Variants in SLCO1C1 observed in about 807,000 individuals in gnomAD.
SLCO1C1 encodes solute carrier organic anion transporter family member 1C1.
Under a neutral mutation model 76.4 loss-of-function variants are expected in SLCO1C1, and 70 were observed. That is an observed-to-expected ratio of 0.92 (90% CI 0.76 to 1.12). The LOEUF (loss-of-function observed/expected upper bound fraction) is 1.12, where lower values mean the gene tolerates loss of function less well. SLCO1C1 is among the 50% of genes most tolerant of loss of function. The pLI is 0.00. For missense variants in SLCO1C1, 912 were observed against 823.8 expected, an observed-to-expected ratio of 1.11 and a Z score of -1.31; for synonymous variants, 306 against 286.1, an observed-to-expected ratio of 1.07 and a Z score of -0.70.
intron 7 of SLCO1C1, among the ~76,000 whole-genome samples, chr12:20,717,537 A>G (rs1947422453): frequency 6.8e-6 from 1 of 147,568 alleles, no homozygotes; most frequent in African/African-American, 2.5e-5. Flanking sequence ...GTTGGCTCTT[A>G]TTGGCTTCAG....
At chr12:20,722,087 T>C (rs1377282947) in intron 8 of SLCO1C1, 38 bp downstream of exon 8, 5 of 1,593,102 alleles carry the variant, frequency 3.1e-6, no homozygotes, top group South Asian at 1.1e-5. Context: ...TTTTCATTTT[T>C]CTGTTGGGGC....
chr12:20,705,405 T>C (rs1946724737), intron 3 of SLCO1C1, among the ~76,000 whole-genome samples: 1 of 152,000 alleles, frequency 6.6e-6, no homozygotes, highest in African/African-American at 2.4e-5. Flanking sequence ...GTCTTAATCT[T>C]TTTGTACAAA....
At chr12:20,746,098 T>A (rs990766236) in intron 13 of SLCO1C1, among the ~76,000 whole-genome samples, 1 of 152,036 alleles carries the variant, frequency 6.6e-6, no homozygotes. Context: ...TTATGGGACT[T>A]TTTTTATACT....
chr12:20,729,540 A>G (rs1024507814), intron 9 of SLCO1C1, among the ~76,000 whole-genome samples: 3 of 151,952 alleles, frequency 2.0e-5, no homozygotes, highest in Non-Finnish European at 4.4e-5. Flanking sequence ...GGGCCCCTGC[A>G]CAAGGAACTC....
intron 5 of SLCO1C1, among the ~76,000 whole-genome samples, chr12:20,714,017 T>G (rs1362517427): frequency 1.3e-5 from 2 of 152,170 alleles, no homozygotes; most frequent in Admixed American, 6.5e-5. Flanking sequence ...GGAAGCAGAA[T>G]AGAAATCCAG....
At chr12:20,737,300 C>A (rs769187736) in intron 11 of SLCO1C1, 28 bp downstream of exon 11, 3 of 1,540,156 alleles carry the variant, frequency 1.9e-6, no homozygotes, top group Non-Finnish European at 2.6e-6. Flanking sequence ...AAGTATATGG[C>A]GATGGTCCTG....
At chr12:20,748,768 G>C (rs929981091) in intron 13 of SLCO1C1, among the ~76,000 whole-genome samples, 2 of 151,880 alleles carry the variant, frequency 1.3e-5, no homozygotes, top group Non-Finnish European at 2.9e-5. Context: ...GTGTTTGTTT[G>C]CTTGTGAGTA....
chr12:20,742,294 T>C (rs1453481122), intron 12 of SLCO1C1, among the ~76,000 whole-genome samples: 3 of 151,566 alleles, frequency 2.0e-5, no homozygotes, highest in Non-Finnish European at 4.4e-5. Context: ...TGAATTTTGA[T>C]GTCAGAAGGA....
chr12:20,725,173 A>T (rs1387658564), intron 9 of SLCO1C1, among the ~76,000 whole-genome samples: 1 of 136,740 alleles, frequency 7.3e-6, no homozygotes, highest in Non-Finnish European at 1.5e-5. Context: ...ATTATTATTT[A>T]TATTATAAAT....
At chr12:20,737,582 A>G (rs991159373) in intron 11 of SLCO1C1, among the ~76,000 whole-genome samples, 4 of 151,664 alleles carry the variant, frequency 2.6e-5, no homozygotes, top group African/African-American at 9.7e-5. Flanking sequence ...GATCATCATA[A>G]TAAGATATGC....
chr12:20,752,039 G>A (rs922922567), intron 14 of SLCO1C1, among the ~76,000 whole-genome samples: 3 of 151,992 alleles, frequency 2.0e-5, no homozygotes, highest in African/African-American at 7.3e-5. Context: ...ACAGGGATAT[G>A]GTTACCTGGT....
rs144782171 is a variant in SLCO1C1 at position 20,710,322 on chromosome 12, C to G, written c.405-1064C>G. Among the ~76,000 whole-genome samples, 514 of 151,046 alleles carry G rather than the reference C, an allele frequency of 3.4e-3. 4 individuals are homozygous for G. The highest frequency in any genetic ancestry group is 0.012 in the African/African-American group (493 of 40,988). On this transcript the variant is annotated intron_variant, in intron 4 of 14. Transcript: ENST00000266509. ...TCCCGGGTTCACGCCATTCTCCTGCCTCAGCCTCCCAAGTAGCTGGGAGTT... is the reference window on the plus strand; with the variant it reads ...TCCCGGGTTCACGCCATTCTCCTGCGTCAGCCTCCCAAGTAGCTGGGAGTT...
At chr12:20,724,409 G>GTATA (rs765603825) in intron 9 of SLCO1C1, among the ~76,000 whole-genome samples, 2 of 65,528 alleles carry the variant, frequency 3.1e-5, no homozygotes, top group African/African-American at 1.1e-4. Context: ...GTGTGTGTGT[G>GTATA]TGTATATATA....
chr12:20,715,329 G>T (rs773753793), intron 6 of SLCO1C1, 44 bp downstream of exon 6: 2 of 1,603,134 alleles, frequency 1.2e-6, no homozygotes, highest in South Asian at 2.2e-5. Context: ...GGGAAGCAGG[G>T]TGTCTAGTTT....
intron 1 of SLCO1C1, among the ~76,000 whole-genome samples, chr12:20,697,965 GC>G (rs1393496750): frequency 6.6e-6 from 1 of 152,026 alleles, no homozygotes; most frequent in East Asian, 1.9e-4. Flanking sequence ...CACTTCTGGT[GC>G]ATCATCTATC....
chr12:20,698,555 CA>C (rs1380889708), intron 1 of SLCO1C1, among the ~76,000 whole-genome samples: 1 of 152,022 alleles, frequency 6.6e-6, no homozygotes, highest in Non-Finnish European at 1.5e-5. Context: ...GAACACAAAA[CA>C]AGCATTGCAT....
chr12:20,697,650 T>A (rs770027694), intron 1 of SLCO1C1, among the ~76,000 whole-genome samples: 1 of 152,102 alleles, frequency 6.6e-6, no homozygotes, highest in South Asian at 2.1e-4. Flanking sequence ...GTTTTTCATG[T>A]AATGAAATTC....
At chr12:20,701,771 T>C (rs1412965912) in intron 3 of SLCO1C1, among the ~76,000 whole-genome samples, 2 of 151,912 alleles carry the variant, frequency 1.3e-5, no homozygotes, top group African/African-American at 4.8e-5. Flanking sequence ...GTTATAAATA[T>C]GTAGAAGTAT....
At chr12:20,696,455 G>A (rs1157024027) in intron 1 of SLCO1C1, among the ~76,000 whole-genome samples, 1 of 152,112 alleles carries the variant, frequency 6.6e-6, no homozygotes, top group Non-Finnish European at 1.5e-5. Context: ...ACATCTGCGG[G>A]ATCTAACTAC....
Sources: allele counts gnomAD v4.1 joint callset (sites outside exome capture counted in the v4.1 genomes callset), GRCh38; gene constraint gnomAD v4.1.1; transcripts MANE v1.5; gene names NCBI Gene and HGNC (gene_info 2026-07-23, HGNC 2026-07-21).